CFAP47: variants seen among roughly 807,000 people sequenced by gnomAD.
CFAP47 encodes cilia- and flagella-associated protein 47.
CFAP47 carries 29 observed loss-of-function variants against 148.1 expected under a neutral mutation model. The observed-to-expected ratio is 0.20, with a 90% confidence interval of 0.15 to 0.27. The LOEUF is 0.27. Among genes scored for constraint, CFAP47 ranks in the 10% least tolerant of loss-of-function variants. The pLI is 1.00. For synonymous variants in CFAP47, 664 were observed against 577.3 expected (o/e 1.15, Z -2.15); for missense variants, 1,872 against 1,697.5 (o/e 1.10, Z -1.81).
chrX:36,110,858 T>A (rs935848758), intron 33 of CFAP47, among the ~76,000 whole-genome samples: 2 of 111,836 alleles, frequency 1.8e-5, no homozygotes, highest in Non-Finnish European at 3.8e-5. Context: ...TTATACTTTT[T>A]GTGACAATTG....
chrX:36,016,188 T>G (rs1937093794), intron 22 of CFAP47, among the ~76,000 whole-genome samples: 1 of 110,646 alleles, frequency 9.0e-6, no homozygotes. Flanking sequence ...AGTATATAAT[T>G]AAATTATTAT....
At chrX:35,920,117 C>A (rs775902568) in intron 1 of CFAP47, 69 bp downstream of exon 1, 47 of 1,079,214 alleles carry the variant, frequency 4.4e-5, no homozygotes, top group Non-Finnish European at 5.8e-5. Flanking sequence ...TCTCTCTTTG[C>A]CCCAGGGAGT....
At chrX:35,943,115 A>G (rs927500554) in intron 3 of CFAP47, among the ~76,000 whole-genome samples, 6 of 111,772 alleles carry the variant, frequency 5.4e-5, no homozygotes, top group African/African-American at 1.9e-4. Context: ...TAGTGCCTAT[A>G]AAGTGTCATA....
At chrX:36,076,961 G>A (rs1242830416) in intron 29 of CFAP47, among the ~76,000 whole-genome samples, 4 of 110,886 alleles carry the variant, frequency 3.6e-5, no homozygotes, top group Non-Finnish European at 7.6e-5. Flanking sequence ...CAAATGACTA[G>A]CCAAGTATCA....
intron 2 of CFAP47, among the ~76,000 whole-genome samples, chrX:35,927,841 T>A (rs949784348): frequency 9.1e-6 from 1 of 110,276 alleles, no homozygotes; most frequent in East Asian, 2.8e-4. Context: ...ATTTTTGTCA[T>A]CTCAAATATA....
chrX:35,980,400 T>C (rs991883790), intron 15 of CFAP47, among the ~76,000 whole-genome samples: 17 of 111,582 alleles, frequency 1.5e-4, no homozygotes, highest in African/African-American at 5.2e-4. Context: ...GCTTTATTTA[T>C]AGGACTGAAT....
chrX:35,998,259 T>G (rs1461106084), intron 19 of CFAP47, among the ~76,000 whole-genome samples: 1 of 111,063 alleles, frequency 9.0e-6, no homozygotes, highest in Non-Finnish European at 1.9e-5. Context: ...CCTGAAAAAA[T>G]TTTGTTCTAT....
chrX:36,347,462 T>C (rs1268280463), intron 57 of CFAP47, among the ~76,000 whole-genome samples: 4 of 112,094 alleles, frequency 3.6e-5, no homozygotes, highest in Non-Finnish European at 7.5e-5. Context: ...AATCCTTCTA[T>C]GATAAAGACA....
chrX:36,184,721 G>A (rs1447609013), intron 40 of CFAP47, among the ~76,000 whole-genome samples: 1 of 111,649 alleles, frequency 9.0e-6, no homozygotes, highest in Non-Finnish European at 1.9e-5. Flanking sequence ...ATCACCTGAG[G>A]TCGGGAGTTC....
At chrX:36,306,973 G>T (rs781922003) in intron 55 of CFAP47, 97 bp downstream of exon 55, 2 of 374,082 alleles carry the variant, frequency 5.3e-6, no homozygotes, top group Non-Finnish European at 8.4e-6. Context: ...ATCATATTTT[G>T]CAAGTAAAAC....
At chrX:36,290,073 G>A (rs1333584961) in intron 51 of CFAP47, among the ~76,000 whole-genome samples, 3 of 93,153 alleles carry the variant, frequency 3.2e-5, no homozygotes, top group East Asian at 3.2e-4. Context: ...CCTCCTCCCC[G>A]CCCCTCGCCC....
At position 36,021,622 on chromosome X, in the gene CFAP47, A is replaced by C. The variant is rs995596590; in HGVS notation, c.3556+6710A>C. Among the ~76,000 whole-genome samples, 3 of 110,773 alleles carry C rather than the reference A, an allele frequency of 2.7e-5. No homozygotes were observed. The East Asian group carries it at 8.5e-4, about 31-fold the overall frequency. ...CCATCAACCCATCATCTAGGTTTTA[A>C]GCCCCAAATGCATTAGGTATTTGTT... On this transcript the variant is annotated intron_variant, in intron 22 of 63. Coordinates refer to ENST00000378653, the MANE Select transcript of CFAP47 (RefSeq NM_001304548.2).
intron 49 of CFAP47, among the ~76,000 whole-genome samples, chrX:36,275,415 C>CGTGTGTGTGTGTGT (rs35781816): frequency 3.6e-4 from 32 of 87,739 alleles, no homozygotes; most frequent in African/African-American, 1.4e-3. Context: ...GTGAGATCGT[C>CGTGTGTGTGTGTGT]GTGTGTGTGT....
intron 29 of CFAP47, 28 bp from the exon 30 acceptor site, chrX:36,085,286 T>C (rs1347349794): frequency 1.0e-6 from 1 of 978,031 alleles, no homozygotes; most frequent in Admixed American, 2.3e-5. Context: ...TTTGAGACTG[T>C]TTTTAATTTT....
chrX:36,211,073 A>G (rs56163217), intron 45 of CFAP47: 3 of 193,005 alleles, frequency 1.6e-5, no homozygotes, highest in Non-Finnish European at 3.0e-5. Context: ...CCAGAAGGGC[A>G]CTGGGCAATT....
intron 48 of CFAP47, among the ~76,000 whole-genome samples, chrX:36,248,156 C>A (rs1468086290): frequency 9.5e-6 from 1 of 105,011 alleles, no homozygotes; most frequent in Non-Finnish European, 1.9e-5. Context: ...ATACACATAT[C>A]ATATATGTAT....
At chrX:36,319,461 C>T (rs1324268067) in intron 57 of CFAP47, among the ~76,000 whole-genome samples, 154 bp downstream of exon 57, 1 of 109,408 alleles carries the variant, frequency 9.1e-6, no homozygotes, top group East Asian at 2.8e-4. Context: ...GATAGAAAAA[C>T]ATGGATGGTA....
chrX:36,044,914 A>AT (rs754381067), intron 25 of CFAP47, among the ~76,000 whole-genome samples: 30 of 111,997 alleles, frequency 2.7e-4, no homozygotes, highest in African/African-American at 9.7e-4. Context: ...AATGCTACTG[A>AT]TTTTTTATGT....
chrX:36,172,846 G>A (rs1485037428), intron 39 of CFAP47, among the ~76,000 whole-genome samples: 6 of 111,416 alleles, frequency 5.4e-5, no homozygotes, highest in Non-Finnish European at 5.7e-5. Flanking sequence ...CTCTTTTTCT[G>A]TTCATTGGAA....
Sources: allele counts gnomAD v4.1 joint callset (sites outside exome capture counted in the v4.1 genomes callset), GRCh38; gene constraint gnomAD v4.1.1; transcripts MANE v1.5; gene names NCBI Gene and HGNC (gene_info 2026-07-23, HGNC 2026-07-21).